Variants in AUTS2 observed in about 807,000 individuals in gnomAD.
The protein encoded by AUTS2 is activator of transcription and developmental regulator AUTS2, also known as autism susceptibility gene 2 protein.
In AUTS2, 17 loss-of-function variants were observed where a neutral mutation model predicts 112.4. That is an observed-to-expected ratio of 0.15 (90% CI 0.10 to 0.23). The LOEUF (loss-of-function observed/expected upper bound fraction) is 0.23, where lower values mean the gene tolerates loss of function less well. Among genes scored for constraint, AUTS2 ranks in the 10% least tolerant of loss-of-function variants. The probability of loss-of-function intolerance (pLI) is 1.00; values close to 1 mark genes in which losing one functional copy is unlikely to be tolerated. For synonymous variants in AUTS2, 751 were observed against 702.7 expected (o/e 1.07, Z -1.09); for missense variants, 1,510 against 1,701.6 (o/e 0.89, Z 1.98).
chr7:70,363,680 T>A (rs1792395630), intron 4 of AUTS2, among the ~76,000 whole-genome samples: 1 of 152,198 alleles, frequency 6.6e-6, no homozygotes, highest in Admixed American at 6.5e-5. Context: ...ACCCCTATGT[T>A]CTACATATAT....
intron 4 of AUTS2, among the ~76,000 whole-genome samples, chr7:70,136,113 G>A (rs1284440805): frequency 6.6e-6 from 1 of 151,854 alleles, no homozygotes; most frequent in Non-Finnish European, 1.5e-5. Flanking sequence ...TTTCTCTCTA[G>A]TTCCAAGAAT....
intron 4 of AUTS2, among the ~76,000 whole-genome samples, chr7:70,423,521 T>C (rs1318987931): frequency 6.6e-5 from 10 of 152,268 alleles, no homozygotes; most frequent in Non-Finnish European, 1.5e-4. Context: ...GCACTATGCA[T>C]AGCATAACTT....
chr7:69,848,676 A>G (rs1367044001), intron 1 of AUTS2, among the ~76,000 whole-genome samples: 2 of 152,162 alleles, frequency 1.3e-5, no homozygotes, highest in Non-Finnish European at 2.9e-5. Flanking sequence ...GTTGGATTAC[A>G]TTTGTCTTCC....
chr7:70,277,986 G>A (rs1788017839), intron 4 of AUTS2, among the ~76,000 whole-genome samples: 1 of 151,056 alleles, frequency 6.6e-6, no homozygotes, highest in Non-Finnish European at 1.5e-5. Context: ...GTGTGTGTAT[G>A]ACAGTACTGT....
chr7:69,853,048 T>C (rs1792559530), intron 1 of AUTS2, among the ~76,000 whole-genome samples: 1 of 152,178 alleles, frequency 6.6e-6, no homozygotes, highest in Non-Finnish European at 1.5e-5. Flanking sequence ...TTGTATTATA[T>C]CCCAGGATAT....
chr7:70,686,097 G>T (rs1808463246), intron 5 of AUTS2, among the ~76,000 whole-genome samples: 1 of 152,206 alleles, frequency 6.6e-6, no homozygotes, highest in Non-Finnish European at 1.5e-5. Flanking sequence ...CTTACAGCAA[G>T]GCTGCCTTTG....
At chr7:70,330,325 A>G (rs75396763) in intron 4 of AUTS2, among the ~76,000 whole-genome samples, 5,933 of 152,144 alleles carry the variant, frequency 0.039, 179 homozygotes, top group Non-Finnish European at 0.063. Context: ...TAGGGGTCCA[A>G]TTTCATTGTT....
intron 3 of AUTS2, among the ~76,000 whole-genome samples, chr7:70,131,147 T>A (rs1260214929): frequency 6.6e-6 from 1 of 152,104 alleles, no homozygotes; most frequent in African/African-American, 2.4e-5. Flanking sequence ...AGTCCTCCCT[T>A]CTTATTGGAA....
chr7:70,235,543 G>A (rs1391669646), intron 4 of AUTS2, among the ~76,000 whole-genome samples: 3 of 152,040 alleles, frequency 2.0e-5, no homozygotes, highest in South Asian at 2.1e-4. Flanking sequence ...TTATTATCAC[G>A]TAATAACTAA....
chr7:69,965,832 T>C (rs1346816202), intron 2 of AUTS2, among the ~76,000 whole-genome samples: 1 of 152,194 alleles, frequency 6.6e-6, no homozygotes, highest in Admixed American at 6.5e-5. Context: ...CTTCACTGTA[T>C]GCAGATCTCG....
At chr7:69,709,475 T>C (rs1371102365) in intron 1 of AUTS2, among the ~76,000 whole-genome samples, 2 of 152,184 alleles carry the variant, frequency 1.3e-5, no homozygotes, top group Non-Finnish European at 2.9e-5. Flanking sequence ...CTGTAACTTC[T>C]CACCCTGTGT....
chr7:70,217,649 G>C (rs1584890019), intron 4 of AUTS2, among the ~76,000 whole-genome samples: 1 of 152,256 alleles, frequency 6.6e-6, no homozygotes, highest in African/African-American at 2.4e-5. Flanking sequence ...TTCAGCTTTA[G>C]CTCTTTTTAT....
At chr7:69,624,397 A>T (rs1280619880) in intron 1 of AUTS2, among the ~76,000 whole-genome samples, 1 of 152,106 alleles carries the variant, frequency 6.6e-6, no homozygotes, top group Non-Finnish European at 1.5e-5. Context: ...TCTCTCCTCC[A>T]TTCCAACCCA....
chr7:70,680,447 G>A (rs753471616), intron 5 of AUTS2, among the ~76,000 whole-genome samples: 1 of 152,160 alleles, frequency 6.6e-6, no homozygotes, highest in African/African-American at 2.4e-5. Flanking sequence ...TCCCTGTCAT[G>A]GTCTACAATA....
In AUTS2 at chr7:69,671,483, GCTGGTGT is replaced by G. The variant is rs1202791512; in HGVS notation, c.309+71522_309+71528del. ...ACAAAATGTTTTGGCTGCTGCTGCT[GCTGGTGT>G]GTGTGTGTGTGTGTGTGTGTGTGTG... On this transcript the variant is annotated intron_variant, in intron 1 of 18. Transcript: ENST00000342771. Among the ~76,000 whole-genome samples the G allele has an allele frequency of 2.7e-3, 370 of 135,954 alleles. 4 individuals carry two copies. Among genetic ancestry groups the G allele is most frequent in the African/African-American group, 7.4e-3 (262 of 35,624 alleles). The allele number at this position is 135,954 out of a possible 152,430, so 89.2% of individuals were successfully genotyped here.
At chr7:69,660,892 C>A (rs1795758648) in intron 1 of AUTS2, among the ~76,000 whole-genome samples, 1 of 152,210 alleles carries the variant, frequency 6.6e-6, no homozygotes, top group Non-Finnish European at 1.5e-5. Context: ...TGAGATCGCG[C>A]CACTGCACTT....
At chr7:70,217,423 CTG>C (rs769226012) in intron 4 of AUTS2, among the ~76,000 whole-genome samples, 5 of 152,144 alleles carry the variant, frequency 3.3e-5, no homozygotes, top group Non-Finnish European at 7.4e-5. Context: ...AAAAAATTAA[CTG>C]AGAAGTTTAA....
At chr7:70,046,605 A>G (rs560047365) in intron 2 of AUTS2, among the ~76,000 whole-genome samples, 2 of 152,302 alleles carry the variant, frequency 1.3e-5, no homozygotes, top group African/African-American at 4.8e-5. Flanking sequence ...TGGGAAAGTA[A>G]ATGAGCAAAG....
intron 5 of AUTS2, among the ~76,000 whole-genome samples, chr7:70,465,735 A>G (rs974200356): frequency 4.6e-5 from 7 of 152,150 alleles, no homozygotes; most frequent in Admixed American, 3.9e-4. Context: ...TTCCCTAGAC[A>G]TACAACACGT....
Sources: allele counts gnomAD v4.1 joint callset (sites outside exome capture counted in the v4.1 genomes callset), GRCh38; gene constraint gnomAD v4.1.1; transcripts MANE v1.5; gene names NCBI Gene and HGNC (gene_info 2026-07-23, HGNC 2026-07-21).